The following PCDH15 variants were observed in gnomAD, a reference collection of about 807,000 sequenced individuals.
PCDH15 encodes protocadherin related 15.
PCDH15 carries 129 observed loss-of-function variants against 178.5 expected under a neutral mutation model. The observed-to-expected ratio is 0.72, with a 90% CI of 0.63 to 0.84. The LOEUF is 0.84. Among genes scored for constraint, PCDH15 ranks in the 40% least tolerant of loss-of-function variants. The pLI is 0.00. For synonymous variants in PCDH15, 800 were observed against 732.0 expected (o/e 1.09, Z -1.50); for missense variants, 2,230 against 2,099.9 (o/e 1.06, Z -1.21).
intron 9 of PCDH15, among the ~76,000 whole-genome samples, chr10:54,228,614 T>G (rs2134277244): frequency 6.6e-6 from 1 of 152,316 alleles, no homozygotes; most frequent in South Asian, 2.1e-4. Flanking sequence ...GAGTCATTGG[T>G]ATAAGTCTCA....
intron 8 of PCDH15, among the ~76,000 whole-genome samples, chr10:54,290,008 C>G (rs560044441): frequency 6.6e-6 from 1 of 152,268 alleles, no homozygotes; most frequent in South Asian, 2.1e-4. Context: ...CCCAAACTAG[C>G]AATGCAGGCC....
At chr10:54,135,960 C>T (rs557680549) in intron 14 of PCDH15, among the ~76,000 whole-genome samples, 115 of 152,216 alleles carry the variant, frequency 7.6e-4, no homozygotes, top group African/African-American at 2.7e-3. Context: ...ACTTTTATAA[C>T]TTATTTTAAT....
intron 2 of PCDH15, among the ~76,000 whole-genome samples, chr10:55,048,546 A>G (rs1484406307): frequency 5.3e-5 from 8 of 151,970 alleles, no homozygotes; most frequent in Non-Finnish European, 1.2e-4. Context: ...GAGAAAAATA[A>G]CATATCTTAA....
At chr10:55,200,712 G>A (rs186877056) in intron 1 of PCDH15, among the ~76,000 whole-genome samples, 1 of 152,076 alleles carries the variant, frequency 6.6e-6, no homozygotes, top group African/African-American at 2.4e-5. Context: ...CCTGGTGGGA[G>A]TTGACTGGAT....
intron 13 of PCDH15, among the ~76,000 whole-genome samples, chr10:54,167,393 G>C (rs1445981537): frequency 7.2e-5 from 11 of 151,980 alleles, no homozygotes; most frequent in African/African-American, 2.7e-4. Flanking sequence ...TTTTCTGGGA[G>C]AGACAAAGGA....
At chr10:54,305,202 A>T (rs11004213) in intron 8 of PCDH15, among the ~76,000 whole-genome samples, 16,864 of 152,060 alleles carry the variant, frequency 0.11, 998 homozygotes, top group Middle Eastern at 0.2. Context: ...ATGCATTAGC[A>T]TGTCCTTCAT....
intron 20 of PCDH15, among the ~76,000 whole-genome samples, chr10:54,014,995 T>G (rs529922009): frequency 3.9e-5 from 6 of 152,258 alleles, no homozygotes; most frequent in African/African-American, 1.4e-4. Flanking sequence ...GATATGATTC[T>G]ACACCTAGAA....
chr10:54,355,747 A>C (rs543644873), intron 5 of PCDH15, among the ~76,000 whole-genome samples: 10 of 152,176 alleles, frequency 6.6e-5, no homozygotes, highest in Admixed American at 5.9e-4. Context: ...AATAATTATT[A>C]CTGTCAGAAA....
intron 16 of PCDH15, among the ~76,000 whole-genome samples, chr10:54,083,848 G>A (rs995895310): frequency 2.6e-5 from 4 of 152,100 alleles, no homozygotes; most frequent in South Asian, 2.1e-4. Context: ...TTTGGGCTAC[G>A]TTCCTGAAAC....
intron 7 of PCDH15, among the ~76,000 whole-genome samples, chr10:54,323,341 A>C (rs1233602268): frequency 6.6e-6 from 1 of 152,124 alleles, no homozygotes; most frequent in East Asian, 1.9e-4. Flanking sequence ...GCTACCATTC[A>C]ACCTACCAAC....
chr10:54,626,765 G>T (rs1442500927), intron 2 of PCDH15, among the ~76,000 whole-genome samples: 1 of 152,116 alleles, frequency 6.6e-6, no homozygotes, highest in Non-Finnish European at 1.5e-5. Context: ...GTGAGAAAAG[G>T]GCCACTGTCC....
chr10:54,436,006 G>GAAAAGAAAA (rs1565269988), intron 3 of PCDH15, among the ~76,000 whole-genome samples: 9 of 115,994 alleles, frequency 7.8e-5, no homozygotes, highest in African/African-American at 3.4e-4. Flanking sequence ...GAAAAGAAGA[G>GAAAAGAAAA]GAGAGGAGAG....
intron 15 of PCDH15, among the ~76,000 whole-genome samples, chr10:54,121,820 C>T (rs1183990093): frequency 6.6e-6 from 1 of 151,964 alleles, no homozygotes; most frequent in Non-Finnish European, 1.5e-5. Flanking sequence ...AGAAACCTAA[C>T]AACCAAAAAA....
intron 2 of PCDH15, among the ~76,000 whole-genome samples, chr10:55,563,227 C>T (rs556069224): frequency 6.6e-6 from 1 of 152,002 alleles, no homozygotes; most frequent in African/African-American, 2.4e-5. Flanking sequence ...CTAAAACCCA[C>T]TCTTCCTGGC....
At chr10:54,446,390 C>T (rs141251302) in intron 3 of PCDH15, among the ~76,000 whole-genome samples, 25 of 151,596 alleles carry the variant, frequency 1.6e-4, no homozygotes, top group African/African-American at 5.3e-4. Context: ...CTAGACAGTT[C>T]ATATAATTTT....
intron 1 of PCDH15, among the ~76,000 whole-genome samples, chr10:54,779,483 T>TGTGTGTATATATATACACAC: frequency 9.9e-6 from 1 of 101,242 alleles, no homozygotes; most frequent in African/African-American, 3.3e-5. Flanking sequence ...TACACACATA[T>TGTGTGTATATATATACACAC]ATATGTATAT....
intron 25 of PCDH15, among the ~76,000 whole-genome samples, chr10:53,914,013 A>T (rs2083343800): frequency 6.6e-6 from 1 of 152,208 alleles, no homozygotes; most frequent in South Asian, 2.1e-4. Context: ...ACATGAAAAA[A>T]GGCCCATCAT....
At chr10:55,608,381 A>G (rs909770208) in intron 2 of PCDH15, among the ~76,000 whole-genome samples, 2 of 151,352 alleles carry the variant, frequency 1.3e-5, no homozygotes, top group Admixed American at 6.6e-5. Flanking sequence ...ATTAGAAATG[A>G]TCTGTGTTCC....
intron 3 of PCDH15, among the ~76,000 whole-genome samples, chr10:54,501,131 T>G (rs374490567): frequency 6.6e-6 from 1 of 151,912 alleles, no homozygotes; most frequent in East Asian, 2.0e-4. Flanking sequence ...GAGAAATACC[T>G]AATGTAGATG....
Sources: gnomAD v4.1 joint callset for allele counts (sites outside exome capture counted in the v4.1 genomes callset) on GRCh38, gnomAD v4.1.1 for gene constraint, MANE v1.5 for transcripts, NCBI Gene and HGNC (gene_info 2026-07-23, HGNC 2026-07-21) for gene names.